Variants in KLHL28 observed in about 807,000 individuals in gnomAD.
KLHL28 encodes the protein kelch like family member 28.
Under a neutral mutation model 48.3 loss-of-function variants are expected in KLHL28, and 22 were observed. The observed-to-expected ratio is 0.46, with a 90% CI of 0.33 to 0.65. KLHL28 has a LOEUF of 0.65. Among genes scored for constraint, KLHL28 ranks in the 30% least tolerant of loss-of-function variants. The probability of loss-of-function intolerance (pLI) is 0.03; values close to 1 mark genes in which losing one functional copy is unlikely to be tolerated. For missense variants in KLHL28, 527 were observed against 704.3 expected (o/e 0.75, Z 2.85); for synonymous variants, 243 against 242.4 (o/e 1.00, Z -0.02).
At chr14:44,946,799 A>C (rs867939758) in intron 1 of KLHL28, among the ~76,000 whole-genome samples, 1 of 152,028 alleles carries the variant, frequency 6.6e-6, no homozygotes, top group Non-Finnish European at 1.5e-5. Flanking sequence ...CAAGTGATCC[A>C]CCTGCTTCGG....
rs1193225812 is a variant in KLHL28, at chr14:44,927,213, T to G, written c.*1815A>C. 1 of 152,626 alleles carries G rather than the reference T, an allele frequency of 6.6e-6. No homozygotes were observed. Among genetic ancestry groups the G allele is most frequent in the East Asian group, 1.9e-4 (1 of 5,204 alleles). The allele number at this position is 152,626 out of a possible 1,614,324, so 9.5% of individuals were successfully genotyped here. ...TTCATAAAGCATGATACTACATTTA[T>G]GATTAAAAATGATTTTACATAGTTT... On this transcript the variant is annotated 3_prime_UTR_variant, in exon 5 of 5. Coordinates refer to ENST00000396128, the MANE Select transcript of KLHL28 (RefSeq NM_017658.5).
chr14:44,945,443 C>T lies in KLHL28; in HGVS notation c.486G>A (p.Gln162=). 1 of 1,614,176 alleles carries T rather than the reference C, an allele frequency of 6.2e-7. No individual in the cohort carries two copies. The highest frequency in any genetic ancestry group is 1.7e-5 in the Admixed American group (1 of 60,026). Residue 162 remains glutamine (Q), a synonymous_variant, in exon 2 of 5, where the codon CAG becomes CAA. Coordinates refer to ENST00000396128, the MANE Select transcript of KLHL28 (RefSeq NM_017658.5). ...LYLAATKYIC[Q]NFEAVCQTEE... ...CAGTCTGGCAAACAGCTTCAAAATT[C>T]TGGCATATGTATTTAGTGGCTGCCA...
At position 44,934,359 on chromosome 14, in the gene KLHL28, T is replaced by C. The variant is rs374089650; in HGVS notation, c.1099A>G (p.Thr367Ala). The C allele has an allele frequency of 2.5e-6, 4 of 1,614,018 alleles. No homozygotes were observed. In the African/African-American group the frequency reaches 5.3e-5, roughly 22 times the overall value. Residue 367 changes from threonine to alanine, a missense_variant, in exon 3 of 5, where the codon ACT becomes GCT. Physicochemically the swap from Thr to Ala is moderately conservative, Grantham distance 58 (BLOSUM62 0). Coordinates refer to ENST00000396128, the MANE Select transcript of KLHL28 (RefSeq NM_017658.5). Reference protein sequence around the residue: ...ECWNPDTNTWTSLERMNESRS... With the variant: ...ECWNPDTNTWASLERMNESRS... ...CTTTCATTCATTCTCTCTAGAGAAGTCCAAGTATTTGTATCAGGATTCCAG... is the reference window on the plus strand; with the variant it reads ...CTTTCATTCATTCTCTCTAGAGAAGCCCAAGTATTTGTATCAGGATTCCAG...
rs1884597450 is a variant in KLHL28, at chr14:44,951,866, G to GT, written c.1-5939dup. ...ATTTTTTTGTTTTGTTTTTGTTTTT[G>GT]TTTTTCAGACAGGTTCTCATTCCTG... On this transcript the variant is annotated intron_variant, in intron 1 of 4. Coordinates refer to ENST00000396128, the MANE Select transcript of KLHL28 (RefSeq NM_017658.5). Among the ~76,000 whole-genome samples the GT allele has an allele frequency of 3.3e-5, 5 of 152,134 alleles. No individual in the cohort carries two copies. In the South Asian group the frequency reaches 1.0e-3, roughly 32 times the overall value.
At chr14:44,933,116 T>C (rs1234354007) in intron 3 of KLHL28, among the ~76,000 whole-genome samples, 1 of 152,186 alleles carries the variant, frequency 6.6e-6, no homozygotes, top group Non-Finnish European at 1.5e-5. Flanking sequence ...CAAATAGCTG[T>C]TATACTGTAT....
At chr14:44,938,454 C>T (rs937072948) in intron 2 of KLHL28, among the ~76,000 whole-genome samples, 1 of 151,968 alleles carries the variant, frequency 6.6e-6, no homozygotes, top group Admixed American at 6.6e-5. Flanking sequence ...TCACTGCAAG[C>T]TCCGCCTCCC....
chr14:44,953,136 T>C (rs950359805), intron 1 of KLHL28, among the ~76,000 whole-genome samples: 1 of 152,144 alleles, frequency 6.6e-6, no homozygotes, highest in African/African-American at 2.4e-5. Flanking sequence ...ACAGAAAATA[T>C]AAAAGTAGAT....
chr14:44,951,849 G>A (rs999730270), intron 1 of KLHL28, among the ~76,000 whole-genome samples: 1 of 151,978 alleles, frequency 6.6e-6, no homozygotes, highest in Non-Finnish European at 1.5e-5. Context: ...TAATTTTTTT[G>A]TTTTGTTTTT....
chr14:44,933,466 A>G (rs1372270563), intron 3 of KLHL28, among the ~76,000 whole-genome samples: 1 of 151,964 alleles, frequency 6.6e-6, no homozygotes, highest in Non-Finnish European at 1.5e-5. Flanking sequence ...GTGAACCACC[A>G]CACCTGGCCA....
At chr14:44,943,737 CAG>C (rs1364034517) in intron 2 of KLHL28, among the ~76,000 whole-genome samples, 4 of 121,094 alleles carry the variant, frequency 3.3e-5, no homozygotes, top group Non-Finnish European at 5.2e-5. Flanking sequence ...TTTTTCAAAA[CAG>C]GGTCTCATTC....
intron 4 of KLHL28, among the ~76,000 whole-genome samples, chr14:44,930,466 G>A (rs1333603717): frequency 6.6e-6 from 1 of 152,054 alleles, no homozygotes; most frequent in African/African-American, 2.4e-5. Context: ...GTTTCAACAT[G>A]TTGCCCAGGC....
intron 1 of KLHL28, among the ~76,000 whole-genome samples, chr14:44,958,367 T>C (rs1192252756): frequency 1.3e-5 from 2 of 151,506 alleles, no homozygotes; most frequent in Admixed American, 6.6e-5. Context: ...AGTAAATAAA[T>C]GGTGAACAGA....
chr14:44,927,064 T>G lies in KLHL28; in HGVS notation c.*1964A>C, dbSNP rs79848527. The G allele has an allele frequency of 3.9e-3, 591 of 152,732 alleles. 4 individuals are homozygous for G. The highest frequency in any genetic ancestry group is 0.013 in the African/African-American group (552 of 41,578). 9.5% of individuals were successfully genotyped at this position (152,732 alleles called of 1,614,324 possible). A position where few individuals can be genotyped will look rare whatever the true frequency, so the allele number is the denominator to read the frequency against. On this transcript the variant is annotated 3_prime_UTR_variant, in exon 5 of 5. Coordinates refer to ENST00000396128, the MANE Select transcript of KLHL28 (RefSeq NM_017658.5). ...TGAAAAAGTTATTGCTATATATTAT[T>G]ATGTTATTCAGACAAGCAACATAGA...
chr14:44,957,013 TG>T (rs1320068741), intron 1 of KLHL28, among the ~76,000 whole-genome samples: 1 of 152,120 alleles, frequency 6.6e-6, no homozygotes, highest in Admixed American at 6.5e-5. Flanking sequence ...TTTGTAGAGA[TG>T]GGATCTCACT....
intron 4 of KLHL28, among the ~76,000 whole-genome samples, chr14:44,930,515 C>T (rs1160441142): frequency 6.6e-6 from 1 of 152,162 alleles, no homozygotes; most frequent in African/African-American, 2.4e-5. Context: ...CCTCCCACTT[C>T]GGCCTCCCAA....
In KLHL28 at chr14:44,924,826, GTATAA is replaced by G; in HGVS notation, c.*4197_*4201del. 2 of 152,694 alleles carry G rather than the reference GTATAA, an allele frequency of 1.3e-5. No individual in the cohort carries two copies. Among genetic ancestry groups the G allele is most frequent in the Non-Finnish European group, 2.9e-5 (2 of 67,990 alleles). 9.5% of individuals were successfully genotyped at this position (152,694 alleles called of 1,614,324 possible). A position where few individuals can be genotyped will look rare whatever the true frequency, so the allele number is the denominator to read the frequency against. On this transcript the variant is annotated 3_prime_UTR_variant, in exon 5 of 5. Transcript: ENST00000396128. ...ACAATAAGTTATCTCTAGTAAAGAT[GTATAA>G]TATAAAAGACATATGGATAACAATT...
Position 44,925,203 on chromosome 14 carries a change from G to A in KLHL28, c.*3825C>T, listed in dbSNP as rs888886869. 2 of 152,144 alleles carry A rather than the reference G, an allele frequency of 1.3e-5. No homozygotes were observed. The highest frequency in any genetic ancestry group is 4.8e-5 in the African/African-American group (2 of 41,440). 9.4% of individuals were successfully genotyped at this position (152,144 alleles called of 1,614,324 possible). The stretch of plus-strand genomic sequence containing the variant: ...AAGTTTACTGAACTTTAAGCAGTAA[G>A]TGTTTATTGTAGAATCTGATTTTCC... On this transcript the variant is annotated 3_prime_UTR_variant, in exon 5 of 5. Transcript: ENST00000396128.
At chr14:44,937,132 TTTTG>T (rs1405053905) in intron 2 of KLHL28, among the ~76,000 whole-genome samples, 3 of 151,988 alleles carry the variant, frequency 2.0e-5, no homozygotes, top group South Asian at 4.1e-4. Flanking sequence ...GAATTGTTTT[TTTTG>T]TTTGTTTTTT....
At position 44,945,186 on chromosome 14, in the gene KLHL28, C is replaced by T. The variant is rs199672203; in HGVS notation, c.743G>A (p.Arg248His). Residue 248 changes from arginine to histidine, a missense_variant, in exon 2 of 5, where the codon CGC (arginine) becomes CAC (histidine). Arg to His is a conservative substitution (Grantham distance 29). Transcript: ENST00000396128. ...YEANHLIRDD[R>H]TCKHLLNEAL... ...TTCATTCAAAAGATGTTTACAAGTG[C>T]GATCATCACGAATAAGATGATTTGC... 313 of 1,614,004 alleles carry T rather than the reference C, an allele frequency of 1.9e-4. 2 individuals are homozygous for T. The highest frequency in any genetic ancestry group is 1.6e-3 in the East Asian group (70 of 44,878).
Sources: allele counts gnomAD v4.1 joint callset (sites outside exome capture counted in the v4.1 genomes callset), GRCh38; gene constraint gnomAD v4.1.1; transcripts MANE v1.5; gene names NCBI Gene and HGNC (gene_info 2026-07-23, HGNC 2026-07-21).